Variants in PPFIA2 observed in about 807,000 individuals in gnomAD.
PPFIA2 encodes the protein liprin-alpha-2.
In PPFIA2, 46 loss-of-function variants were observed where a neutral mutation model predicts 175.5. That is an observed-to-expected ratio of 0.26 (90% CI 0.21 to 0.34). The LOEUF (loss-of-function observed/expected upper bound fraction) is 0.34. Among genes scored for constraint, PPFIA2 ranks in the 10% least tolerant of loss-of-function variants. The pLI, the probability that PPFIA2 is intolerant of heterozygous loss-of-function variation, is 1.00. For synonymous variants in PPFIA2, 568 were observed against 511.4 expected, an observed-to-expected ratio of 1.11 and a Z score of -1.49; for missense variants, 1,179 against 1,506.1, an observed-to-expected ratio of 0.78 and a Z score of 3.60.
intron 4 of PPFIA2, among the ~76,000 whole-genome samples, chr12:81,494,292 C>G (rs1190108270): frequency 1.3e-5 from 2 of 151,990 alleles, no homozygotes; most frequent in Non-Finnish European, 2.9e-5. Context: ...AGGACATGAA[C>G]AGACACTTCT....
At chr12:81,733,566 A>G (rs2081202238) in intron 3 of PPFIA2, among the ~76,000 whole-genome samples, 1 of 151,698 alleles carries the variant, frequency 6.6e-6, no homozygotes, top group Admixed American at 6.6e-5. Flanking sequence ...TAGGAAACAT[A>G]CTTTTCTGAG....
chr12:81,693,039 G>A (rs1367596675), intron 3 of PPFIA2, among the ~76,000 whole-genome samples: 1 of 151,926 alleles, frequency 6.6e-6, no homozygotes, highest in Non-Finnish European at 1.5e-5. Flanking sequence ...TTTTAAACCT[G>A]AAATACTTTC....
chr12:81,560,087 T>TG (rs1483160126), intron 4 of PPFIA2, among the ~76,000 whole-genome samples: 51 of 152,316 alleles, frequency 3.3e-4, no homozygotes, highest in Non-Finnish European at 5.3e-4. Context: ...ATACCTGTGA[T>TG]CCTGAATAAT....
chr12:81,267,782 A>G lies in PPFIA2; in HGVS notation c.3486+130T>C, dbSNP rs2037751700. ...TCCACTAGCCTGAAATTAAAACCCC[A>G]GTGACATATTTCAAACATTGAGTTA... On this transcript the variant is annotated intron_variant, in intron 29 of 32. Transcript: ENST00000549396. 18 of 652,200 alleles carry G rather than the reference A, an allele frequency of 2.8e-5. No homozygotes were observed. The South Asian group carries it at 3.7e-4, about 13-fold the overall frequency. The allele number at this position is 652,200 out of a possible 1,614,324, so 40.4% of individuals were successfully genotyped here.
chr12:81,595,364 A>AT (rs1386860636), intron 4 of PPFIA2, among the ~76,000 whole-genome samples: 2 of 151,256 alleles, frequency 1.3e-5, no homozygotes, highest in African/African-American at 2.4e-5. Flanking sequence ...TGCAAATATT[A>AT]TTTTCCTCTA....
At chr12:81,509,377 C>T (rs2061529985) in intron 4 of PPFIA2, among the ~76,000 whole-genome samples, 1 of 152,142 alleles carries the variant, frequency 6.6e-6, no homozygotes, top group Non-Finnish European at 1.5e-5. Flanking sequence ...CCTATTTCAT[C>T]CTCCTCTAAC....
chr12:81,724,512 TA>T (rs1006103769), intron 3 of PPFIA2, among the ~76,000 whole-genome samples: 1 of 150,880 alleles, frequency 6.6e-6, no homozygotes, highest in African/African-American at 2.4e-5. Flanking sequence ...CAGTGTTTAT[TA>T]TTTCACTCTC....
intron 4 of PPFIA2, among the ~76,000 whole-genome samples, chr12:81,529,790 G>A (rs934632291): frequency 2.0e-5 from 3 of 151,834 alleles, no homozygotes; most frequent in Non-Finnish European, 2.9e-5. Flanking sequence ...TGTCCAGTTG[G>A]AGGAGAACAA....
chr12:81,642,973 A>G (rs2065528433), intron 4 of PPFIA2, among the ~76,000 whole-genome samples: 1 of 21,836 alleles, frequency 4.6e-5, no homozygotes, highest in Admixed American at 3.9e-4. Flanking sequence ...ACATATATAA[A>G]TTATATATCT....
chr12:81,756,174 T>A (rs879647067), intron 2 of PPFIA2, among the ~76,000 whole-genome samples: 21 of 151,886 alleles, frequency 1.4e-4, no homozygotes, highest in Admixed American at 9.8e-4. Context: ...ACATTTAAGG[T>A]TAAAACAAAG....
chr12:81,753,526 T>C (rs551591774), intron 3 of PPFIA2, among the ~76,000 whole-genome samples: 98 of 139,488 alleles, frequency 7.0e-4, no homozygotes, highest in Non-Finnish European at 1.4e-3. Context: ...ATTAGGCATT[T>C]AAAAAAAAAA....
intron 11 of PPFIA2, among the ~76,000 whole-genome samples, chr12:81,371,801 C>T (rs572345959): frequency 3.3e-5 from 5 of 151,612 alleles, no homozygotes; most frequent in South Asian, 4.1e-4. Context: ...TGGTTAATTG[C>T]GTATAAACTC....
intron 4 of PPFIA2, among the ~76,000 whole-genome samples, chr12:81,618,891 C>T (rs112116380): frequency 2.0e-5 from 3 of 152,246 alleles, no homozygotes; most frequent in African/African-American, 7.2e-5. Context: ...ATTATTCATT[C>T]ATTAATTCAA....
intron 7 of PPFIA2, among the ~76,000 whole-genome samples, chr12:81,420,733 G>T (rs1040344375): frequency 6.6e-6 from 1 of 151,740 alleles, no homozygotes; most frequent in Non-Finnish European, 1.5e-5. Context: ...AAGAAAGAAA[G>T]AAATTGATAG....
At chr12:81,267,366 G>C (rs1259163941) in intron 29 of PPFIA2, 1 of 375,858 alleles carries the variant, frequency 2.7e-6, no homozygotes, top group Non-Finnish European at 5.1e-6. Flanking sequence ...AATTTTTATT[G>C]AATCTATGTA....
At chr12:81,743,386 C>T (rs1332779801) in intron 3 of PPFIA2, among the ~76,000 whole-genome samples, 1 of 115,082 alleles carries the variant, frequency 8.7e-6, no homozygotes, top group Non-Finnish European at 1.7e-5. Context: ...CACTGCACTC[C>T]GGGCCACAGA....
chr12:81,637,289 A>G (rs2064227158), intron 4 of PPFIA2, among the ~76,000 whole-genome samples: 9 of 88,070 alleles, frequency 1.0e-4, no homozygotes, highest in Admixed American at 1.7e-4. Context: ...TTTTTAGTAG[A>G]GATGGGGTTT....
intron 17 of PPFIA2, among the ~76,000 whole-genome samples, chr12:81,349,906 T>G (rs1266586801): frequency 4.6e-5 from 7 of 152,214 alleles, no homozygotes; most frequent in Admixed American, 4.6e-4. Flanking sequence ...GATTAGTTTA[T>G]GAAAGAAGAA....
intron 16 of PPFIA2, among the ~76,000 whole-genome samples, chr12:81,354,297 G>A (rs557245076): frequency 8.5e-5 from 13 of 152,190 alleles, no homozygotes; most frequent in East Asian, 3.9e-4. Flanking sequence ...TTTCAAAATC[G>A]GAATCAATCC....
Sources: allele counts gnomAD v4.1 joint callset (sites outside exome capture counted in the v4.1 genomes callset), GRCh38; gene constraint gnomAD v4.1.1; transcripts MANE v1.5; gene names NCBI Gene and HGNC (gene_info 2026-07-23, HGNC 2026-07-21).